Variants in SMARCA2 observed in about 807,000 individuals in gnomAD.
SMARCA2 encodes the protein SWI/SNF related BAF chromatin remodeling complex subunit ATPase 2, also known as SWI/SNF-related matrix-associated actin-dependent regulator of chromatin subfamily A member 2.
SMARCA2 carries 61 observed loss-of-function variants against 199.8 expected under a neutral mutation model. The ratio of observed to expected loss-of-function variants is 0.31; its 90% CI spans 0.25 to 0.38. The LOEUF (loss-of-function observed/expected upper bound fraction) is 0.38, where lower values mean the gene tolerates loss of function less well. Ranked by LOEUF, SMARCA2 falls within the 10% of genes least tolerant of loss-of-function variation. The pLI is 1.00. For missense variants in SMARCA2, 1,344 were observed against 2,012.2 expected, an observed-to-expected ratio of 0.67 and a Z score of 6.35; for synonymous variants, 935 against 732.0, an observed-to-expected ratio of 1.28 and a Z score of -4.48.
At position 2,104,585 on chromosome 9, in the gene SMARCA2, C is replaced by G. The variant is rs1822671097; in HGVS notation, c.3292+416C>G. ...TCACTTTTCTTTGTAACAATACAATCATTCATTTAAGATTATATTTATCAT... is the reference window on the plus strand; with the variant it reads ...TCACTTTTCTTTGTAACAATACAATGATTCATTTAAGATTATATTTATCAT... On this transcript the variant is annotated intron_variant, in intron 23 of 33. Coordinates refer to ENST00000349721, the MANE Select transcript of SMARCA2 (RefSeq NM_003070.5). The surrounding 1 kb of genome is among the most constrained non-coding windows in gnomAD (Gnocchi z 4.0). Among the ~76,000 whole-genome samples the G allele has an allele frequency of 6.6e-6, 1 of 152,124 alleles. No individual in the cohort carries two copies. Among genetic ancestry groups the G allele is most frequent in the African/African-American group, 2.4e-5 (1 of 41,424 alleles).
In SMARCA2 at chr9:2,169,911, T is replaced by TA. The variant is rs1222841387; in HGVS notation, c.4200-507dup. On this transcript the variant is annotated intron_variant, in intron 28 of 33. Transcript: ENST00000349721. This position sits in a 1 kb window ranked among gnomAD's most constrained non-coding sequence, Gnocchi z 6.5. Reference sequence around the variant, plus strand: ...TAGAGCTCTTGGAAGCAGAGCTGACTAGTTAGATGGTGTTCAGACCCAAAT... The same window carrying TA: ...TAGAGCTCTTGGAAGCAGAGCTGACTAAGTTAGATGGTGTTCAGACCCAAAT... Among the ~76,000 whole-genome samples, 1 of 152,220 alleles carries TA rather than the reference T, an allele frequency of 6.6e-6. No individual in the cohort carries two copies. Among genetic ancestry groups the TA allele is most frequent in the Non-Finnish European group, 1.5e-5 (1 of 68,028 alleles).
At chr9:2,047,678 A>G in intron 5 of SMARCA2, 194 bp downstream of exon 5, 1 of 481,988 alleles carries the variant, frequency 2.1e-6, no homozygotes, top group Non-Finnish European at 3.2e-6. Flanking sequence ...TCAAAAGCCG[A>G]CGGGGACTTC....
At chr9:2,044,351 C>G (rs190586434) in intron 4 of SMARCA2, 60 of 152,340 alleles carry the variant, frequency 3.9e-4, no homozygotes, top group African/African-American at 1.3e-3. Context: ...GCGGACTCAT[C>G]TGAGTATCTG....
rs77824327 is a variant in SMARCA2 at position 2,049,301 on chromosome 9, T to G, written c.1046+1817T>G. 4.8e-3 allele frequency among the ~76,000 whole-genome samples: 734 copies of G among 152,376 alleles called. 18 individuals carry two copies. In the East Asian group the frequency reaches 0.082, roughly 17 times the overall value. The stretch of plus-strand genomic sequence containing the variant: ...TTTTCATTGCAGGACTTTCTTGTAA[T>G]AAGTTTATTTTAGGAACTTTTTTGG... On this transcript the variant is annotated intron_variant, in intron 5 of 33. Transcript: ENST00000349721.
rs907058166 is a variant in SMARCA2, at chr9:2,115,696, G to T, written c.3457-126G>T. ...GTAGCTTGTGTGTTTTTAAAATGTA[G>T]GCAAAATCTTACCTTAGTGAAGGTG... On this transcript the variant is annotated intron_variant, in intron 24 of 33. Coordinates refer to ENST00000349721, the MANE Select transcript of SMARCA2 (RefSeq NM_003070.5). The surrounding 1 kb of genome is among the most constrained non-coding windows in gnomAD (Gnocchi z 6.0). 7 of 720,006 alleles carry T rather than the reference G, an allele frequency of 9.7e-6. No homozygotes were observed. The highest frequency in any genetic ancestry group is 5.7e-5 in the Admixed American group (2 of 34,970). 44.6% of individuals were successfully genotyped at this position (720,006 alleles called of 1,614,324 possible). A position where few individuals can be genotyped will look rare whatever the true frequency, so the allele number is the denominator to read the frequency against.
chr9:2,105,002 A>G (rs984990497), intron 23 of SMARCA2, among the ~76,000 whole-genome samples: 1 of 152,202 alleles, frequency 6.6e-6, no homozygotes, highest in African/African-American at 2.4e-5. Flanking sequence ...CTAATGCAGT[A>G]TTACTATTGT....
chr9:2,135,273 C>G (rs1824144200), intron 27 of SMARCA2, among the ~76,000 whole-genome samples: 2 of 152,148 alleles, frequency 1.3e-5, no homozygotes, highest in African/African-American at 4.8e-5. Flanking sequence ...AAGTCCAGCC[C>G]TCAATGGATT....
rs117932323 is a variant in SMARCA2, at chr9:2,118,209, T to A, written c.3685-1249T>A. Among the ~76,000 whole-genome samples, 1,082 of 152,310 alleles carry A rather than the reference T, an allele frequency of 7.1e-3. 5 individuals carry two copies. The highest frequency in any genetic ancestry group is 0.012 in the Non-Finnish European group (818 of 68,024). The stretch of plus-strand genomic sequence containing the variant: ...TTACCAGATATTTTGTACTGTGAAG[T>A]CTGAACCCACTCCCAGCTAGTCTGT... On this transcript the variant is annotated intron_variant, in intron 25 of 33. Transcript: ENST00000349721.
At position 2,119,887 on chromosome 9, in the gene SMARCA2, C is replaced by G. The variant is rs1391210096; in HGVS notation, c.3762+352C>G. On this transcript the variant is annotated intron_variant, in intron 26 of 33. Transcript: ENST00000349721. This position sits in a 1 kb window ranked among gnomAD's most constrained non-coding sequence, Gnocchi z 4.6. ...TCTGGACAGGCCTCGCGGTCTACAGCTTACCATAGACGCCCTCCTGTTCCC... is the reference window on the plus strand; with the variant it reads ...TCTGGACAGGCCTCGCGGTCTACAGGTTACCATAGACGCCCTCCTGTTCCC... Among the ~76,000 whole-genome samples the G allele has an allele frequency of 6.6e-6, 1 of 152,232 alleles. No homozygotes were observed. Among genetic ancestry groups the G allele is most frequent in the Non-Finnish European group, 1.5e-5 (1 of 68,054 alleles).
intron 9 of SMARCA2, among the ~76,000 whole-genome samples, chr9:2,066,611 A>C (rs796480971): frequency 7.2e-5 from 11 of 152,340 alleles, no homozygotes; most frequent in African/African-American, 2.2e-4. Flanking sequence ...CCCTTCCTAC[A>C]TAAGCATAAT....
intron 31 of SMARCA2, among the ~76,000 whole-genome samples, chr9:2,182,551 T>C (rs1410287238): frequency 7.0e-6 from 1 of 143,828 alleles, no homozygotes; most frequent in Admixed American, 7.4e-5. Flanking sequence ...TGGAGTGCAG[T>C]GGTGCCTTCT....
chr9:2,097,173 CT>C, intron 20 of SMARCA2: 9 of 515,332 alleles, frequency 1.7e-5, no homozygotes, highest in South Asian at 5.9e-5. Flanking sequence ...TCAAGGTTCA[CT>C]TTTTTTGTAG....
intron 27 of SMARCA2, among the ~76,000 whole-genome samples, chr9:2,131,356 GCTC>G (rs1427388219): frequency 6.6e-6 from 1 of 152,150 alleles, no homozygotes; most frequent in Non-Finnish European, 1.5e-5. Context: ...TACTGAATAA[GCTC>G]CTGGCGATGA....
chr9:2,161,978 G>C lies in SMARCA2; in HGVS notation c.4199+75G>C. On this transcript the variant is annotated intron_variant, in intron 28 of 33. Coordinates refer to ENST00000349721, the MANE Select transcript of SMARCA2 (RefSeq NM_003070.5). This position sits in a 1 kb window ranked among gnomAD's most constrained non-coding sequence, Gnocchi z 4.7. ...TGGCGCTCCCTGAGGAGCAGGAGTT[G>C]TTAAGTTGTGCACTTAGGTTTTATT... 1.7e-6 allele frequency: 2 copies of C among 1,204,014 alleles called. No individual in the cohort carries two copies. Among genetic ancestry groups the C allele is most frequent in the Non-Finnish European group, 2.4e-6 (2 of 838,738 alleles). 74.6% of individuals were successfully genotyped at this position (1,204,014 alleles called of 1,614,324 possible). A position where few individuals can be genotyped will look rare whatever the true frequency, so the allele number is the denominator to read the frequency against.
intron 5 of SMARCA2, 34 bp from the exon 6 acceptor site, chr9:2,054,562 CT>C (rs1820265648): frequency 6.3e-7 from 1 of 1,598,190 alleles, no homozygotes; most frequent in African/African-American, 1.3e-5. Flanking sequence ...TGTTTTTCCC[CT>C]GCCCCCTTTT....
intron 19 of SMARCA2, among the ~76,000 whole-genome samples, chr9:2,095,364 G>A (rs990545809): frequency 5.3e-5 from 8 of 151,904 alleles, no homozygotes; most frequent in Non-Finnish European, 1.0e-4. Context: ...GACTGCAGGC[G>A]TGAGCCACCG....
rs542179696 is a variant in SMARCA2, at chr9:2,119,406, G to T, written c.3685-52G>T. Reference sequence around the variant, plus strand: ...TGGAGGACAGATCACTTACTTGTTTGTACCTTGCCCCAGCTGTCCACTGGT... The same window carrying T: ...TGGAGGACAGATCACTTACTTGTTTTTACCTTGCCCCAGCTGTCCACTGGT... On this transcript the variant is annotated intron_variant, in intron 25 of 33. Coordinates refer to ENST00000349721, the MANE Select transcript of SMARCA2 (RefSeq NM_003070.5). This position sits in a 1 kb window ranked among gnomAD's most constrained non-coding sequence, Gnocchi z 4.6. 4 of 1,228,382 alleles carry T rather than the reference G, an allele frequency of 3.3e-6. No individual in the cohort carries two copies. Among genetic ancestry groups the T allele is most frequent in the Non-Finnish European group, 4.8e-6 (4 of 828,722 alleles). 76.1% of individuals were successfully genotyped at this position (1,228,382 alleles called of 1,614,324 possible).
intron 28 of SMARCA2, among the ~76,000 whole-genome samples, chr9:2,167,818 A>C (rs183942643): frequency 6.6e-6 from 1 of 152,278 alleles, no homozygotes; most frequent in East Asian, 1.9e-4. Context: ...AGGGTAAAAA[A>C]TTCCAGGTAC....
Position 2,060,917 on chromosome 9 carries a change from C to A in SMARCA2, c.1623C>A (p.Thr541=). 1.9e-6 allele frequency: 3 copies of A among 1,614,040 alleles called. No individual in the cohort carries two copies. Residue 541 remains threonine, a synonymous_variant, in exon 9 of 34, where the codon ACC becomes ACA. Transcript: ENST00000349721. ...QQTDEYVANL[T]NLVWEHKQAQ... ...CCGATGAGTATGTAGCCAATCTGAC[C>A]AATCTGGTTTGGGAGCACAAGCAAG...
Sources: allele counts gnomAD v4.1 joint callset (sites outside exome capture counted in the v4.1 genomes callset), GRCh38; gene constraint gnomAD v4.1.1; non-coding constraint Gnocchi (gnomAD v3.1); transcripts MANE v1.5; gene names NCBI Gene and HGNC (gene_info 2026-07-23, HGNC 2026-07-21).